The following EFCAB14 variants were observed in gnomAD, a reference collection of about 807,000 sequenced individuals.
EFCAB14 encodes the protein EF-hand calcium-binding domain-containing protein 14.
EFCAB14 carries 43 observed loss-of-function variants against 56.5 expected under a neutral mutation model. The observed-to-expected ratio is 0.76, with a 90% confidence interval of 0.60 to 0.98. The LOEUF (loss-of-function observed/expected upper bound fraction) is 0.98. Among genes scored for constraint, EFCAB14 ranks in the 50% least tolerant of loss-of-function variants. The probability of loss-of-function intolerance (pLI) is 0.00; values close to 1 mark genes in which losing one functional copy is unlikely to be tolerated. For missense variants in EFCAB14, 538 were observed against 580.3 expected (o/e 0.93, Z 0.75); for synonymous variants, 235 against 212.9 (o/e 1.10, Z -0.90).
intron 2 of EFCAB14, 148 bp from the exon 3 acceptor site, chr1:46,708,199 T>A (rs1286611719): frequency 1.2e-6 from 1 of 824,766 alleles, no homozygotes; most frequent in Non-Finnish European, 1.7e-6. Flanking sequence ...TATATATCTT[T>A]CACACTAAAG....
At chr1:46,713,053 T>G (rs1677332589) in intron 2 of EFCAB14, among the ~76,000 whole-genome samples, 1 of 152,122 alleles carries the variant, frequency 6.6e-6, no homozygotes, top group Admixed American at 6.5e-5. Context: ...AAAAAATTTT[T>G]TTTTTAAAGT....
At chr1:46,689,457 TGCTCA>T in intron 6 of EFCAB14, 125 bp downstream of exon 6, 1 of 786,350 alleles carries the variant, frequency 1.3e-6, no homozygotes, top group South Asian at 1.7e-5. Context: ...CATTCCTCTC[TGCTCA>T]GCTCCCAGGC....
chr1:46,684,378 G>C (rs543996361), intron 9 of EFCAB14, 113 bp downstream of exon 9: 1 of 801,364 alleles, frequency 1.2e-6, no homozygotes, highest in South Asian at 1.6e-5. Context: ...GGTGCGTTCA[G>C]GCATCACTCG....
intron 3 of EFCAB14, among the ~76,000 whole-genome samples, chr1:46,700,851 G>A (rs1259877835): frequency 6.6e-6 from 1 of 152,024 alleles, no homozygotes; most frequent in East Asian, 1.9e-4. Flanking sequence ...AAACACACAC[G>A]CATGTTAACC....
chr1:46,710,242 T>C (rs1677290077), intron 2 of EFCAB14, among the ~76,000 whole-genome samples: 1 of 152,234 alleles, frequency 6.6e-6, no homozygotes, highest in South Asian at 2.1e-4. Context: ...TTGTACATAT[T>C]TACAGGGTAC....
Position 46,683,330 on chromosome 1 carries a change from T to G in EFCAB14, c.1282A>C (p.Ile428Leu). The change falls in exon 10 of 11, where the codon ATC (isoleucine) becomes CTC (leucine). Residue 428 changes from isoleucine (I) to leucine (L), a missense_variant. Physicochemically the swap from Ile to Leu is conservative, Grantham distance 5. Transcript: ENST00000371933. ...PVEKAAQLRPISLPGVSSTED... is the reference protein window; with the variant it reads ...PVEKAAQLRPLSLPGVSSTED... ...GTGCTAGAAACTCCTGGTAGGGAGA[T>G]AGGTCTTAGTTGGGCAGCTTTCTCA... is the stretch of plus-strand genomic sequence containing the variant. 1 of 1,614,054 alleles carries G rather than the reference T, an allele frequency of 6.2e-7. No individual in the cohort carries two copies. Among genetic ancestry groups the G allele is most frequent in the Non-Finnish European group, 8.5e-7 (1 of 1,179,946 alleles).
At chr1:46,679,487 G>C (rs1408696268) in intron 10 of EFCAB14, among the ~76,000 whole-genome samples, 1 of 151,732 alleles carries the variant, frequency 6.6e-6, no homozygotes, top group African/African-American at 2.4e-5. Flanking sequence ...ATGTTTAGTA[G>C]AGATGGGGTT....
rs1470644732 is a variant in EFCAB14 at position 46,677,536 on chromosome 1, G to A, written c.*925C>T. On this transcript the variant is annotated 3_prime_UTR_variant, in exon 11 of 11. Transcript: ENST00000371933. ...GGAATTTAGCCCTGCCATTCAAATG[G>A]AGATGGTACTGGTGGTGGGAGCCAG... The A allele has an allele frequency of 6.6e-6, 1 of 152,148 alleles. No homozygotes were observed. Among genetic ancestry groups the A allele is most frequent in the Non-Finnish European group, 1.5e-5 (1 of 68,044 alleles). 9.4% of individuals were successfully genotyped at this position (152,148 alleles called of 1,614,324 possible).
At chr1:46,689,469 A>G in intron 6 of EFCAB14, 118 bp downstream of exon 6, 1 of 895,126 alleles carries the variant, frequency 1.1e-6, no homozygotes, top group Non-Finnish European at 1.8e-6. Context: ...CTCAGCTCCC[A>G]GGCAGGCAAA....
In EFCAB14 at chr1:46,686,796, G is replaced by A; in HGVS notation, c.1062C>T (p.Ile354=). 6.2e-7 allele frequency: 1 copy of A among 1,613,608 alleles called. No individual in the cohort carries two copies. The highest frequency in any genetic ancestry group is 1.1e-5 in the South Asian group (1 of 91,062). The change falls in exon 8 of 11, where the codon ATC becomes ATT. Residue 354 remains isoleucine, a synonymous_variant. Transcript: ENST00000371933. ...TCCCATTATTTACCTTTATGCTTTG[G>A]ATTTTTACTGTATCTGTTCTGTTGG... ...QVTNRTDTVK[I]QSIKKEDSSN...
intron 1 of EFCAB14, 86 bp downstream of exon 1, chr1:46,717,810 TCCTAAGG>T: frequency 7.2e-7 from 1 of 1,396,760 alleles, no homozygotes; most frequent in South Asian, 1.4e-5. Context: ...CCTTTTTTCT[TCCTAAGG>T]ACTTCCTTTC....
At chr1:46,701,878 C>T (rs918910916) in intron 3 of EFCAB14, among the ~76,000 whole-genome samples, 1 of 152,174 alleles carries the variant, frequency 6.6e-6, no homozygotes, top group Non-Finnish European at 1.5e-5. Context: ...AGCTGGATTC[C>T]GTCTTCTAGC....
chr1:46,713,370 T>TAGAA (rs1677338608), intron 2 of EFCAB14, among the ~76,000 whole-genome samples: 1 of 152,140 alleles, frequency 6.6e-6, no homozygotes, highest in Non-Finnish European at 1.5e-5. Context: ...GGCTCAATGG[T>TAGAA]AGAAAGCAGG....
chr1:46,685,622 C>G (rs1676869122), intron 8 of EFCAB14, among the ~76,000 whole-genome samples: 1 of 152,114 alleles, frequency 6.6e-6, no homozygotes, highest in Non-Finnish European at 1.5e-5. Context: ...AACTGATACC[C>G]TGCGATGACA....
rs2148841203 is a variant in EFCAB14 at position 46,688,486 on chromosome 1, T to C, written c.854A>G (p.Gln285Arg). 6.2e-7 allele frequency: 1 copy of C among 1,613,948 alleles called. No individual in the cohort carries two copies. Among genetic ancestry groups the C allele is most frequent in the African/African-American group, 1.3e-5 (1 of 75,038 alleles). ...EEVNSALVGYQRQNDLKLEGM... is the reference protein window; with the variant it reads ...EEVNSALVGYRRQNDLKLEGM... ...CTCGAGTTTAAGATCATTCTGTCTC[T>C]GGTACCCCACTAGGGCACTGTTTAC... The change falls in exon 7 of 11, where the codon CAG becomes CGG. Residue 285 changes from glutamine (Q) to arginine (R), a missense_variant. Gln to Arg is a conservative substitution (Grantham distance 43). Coordinates refer to ENST00000371933, the MANE Select transcript of EFCAB14 (RefSeq NM_014774.3).
chr1:46,678,708 C>T (rs1047294812), intron 10 of EFCAB14, 72 bp from the exon 11 acceptor site: 2 of 1,411,374 alleles, frequency 1.4e-6, no homozygotes, highest in Non-Finnish European at 1.9e-6. Flanking sequence ...GTAGTCTCAA[C>T]TGAATTTAAA....
At chr1:46,712,385 G>A (rs1677322522) in intron 2 of EFCAB14, among the ~76,000 whole-genome samples, 1 of 152,036 alleles carries the variant, frequency 6.6e-6, no homozygotes, top group Non-Finnish European at 1.5e-5. Context: ...AATAACTGTG[G>A]AGGTTTTTTG....
intron 3 of EFCAB14, among the ~76,000 whole-genome samples, chr1:46,705,042 T>C (rs1480206188): frequency 6.6e-6 from 1 of 152,236 alleles, no homozygotes; most frequent in Non-Finnish European, 1.5e-5. Flanking sequence ...GTGACAGTTA[T>C]GTTTAGATAT....
chr1:46,699,267 A>G (rs2148846395), intron 3 of EFCAB14, among the ~76,000 whole-genome samples: 1 of 151,578 alleles, frequency 6.6e-6, no homozygotes, highest in Middle Eastern at 3.4e-3. Flanking sequence ...TTTTATACAT[A>G]AAAACCAAGC....
Sources: gnomAD v4.1 joint callset for allele counts (sites outside exome capture counted in the v4.1 genomes callset) on GRCh38, gnomAD v4.1.1 for gene constraint, MANE v1.5 for transcripts, NCBI Gene and HGNC (gene_info 2026-07-23, HGNC 2026-07-21) for gene names.